The following LRRC8D variants were observed in gnomAD, a reference collection of about 807,000 sequenced individuals.
The protein encoded by LRRC8D is leucine rich repeat containing 8 VRAC subunit D.
A neutral mutation model predicts 55.8 loss-of-function variants in LRRC8D; 20 were observed. The ratio of observed to expected loss-of-function variants is 0.36; its 90% CI spans 0.25 to 0.52. The LOEUF (loss-of-function observed/expected upper bound fraction) is 0.52, where lower values mean the gene tolerates loss of function less well. Ranked by LOEUF, LRRC8D falls within the 20% of genes least tolerant of loss-of-function variation. The probability of loss-of-function intolerance (pLI) is 0.93; values close to 1 mark genes in which losing one functional copy is unlikely to be tolerated. For synonymous variants in LRRC8D, 352 were observed against 377.0 expected (o/e 0.93, Z 0.77); for missense variants, 651 against 1,030.8 (o/e 0.63, Z 5.05).
At chr1:89,915,869 A>AGCTT (rs1430220915) in intron 2 of LRRC8D, among the ~76,000 whole-genome samples, 4 of 152,246 alleles carry the variant, frequency 2.6e-5, no homozygotes, top group Non-Finnish European at 5.9e-5. Flanking sequence ...TAAATATCCA[A>AGCTT]GATTATCAAA....
intron 2 of LRRC8D, among the ~76,000 whole-genome samples, chr1:89,844,862 A>C (rs936392566): frequency 6.6e-6 from 1 of 152,160 alleles, no homozygotes; most frequent in Non-Finnish European, 1.5e-5. Context: ...GAGAATAATC[A>C]GTTTGATGGG....
intron 2 of LRRC8D, among the ~76,000 whole-genome samples, chr1:89,867,900 A>T (rs1017921493): frequency 1.3e-5 from 2 of 152,244 alleles, no homozygotes; most frequent in African/African-American, 4.8e-5. Flanking sequence ...TACTAATTGT[A>T]ACCCAAATTA....
chr1:89,928,439 TAATA>T (rs1663621687), intron 2 of LRRC8D, among the ~76,000 whole-genome samples: 1 of 152,050 alleles, frequency 6.6e-6, no homozygotes, highest in South Asian at 2.1e-4. Context: ...AGCTGGGACT[TAATA>T]AGGAAAAGTT....
At chr1:89,902,677 C>T (rs927412283) in intron 2 of LRRC8D, among the ~76,000 whole-genome samples, 1 of 151,962 alleles carries the variant, frequency 6.6e-6, no homozygotes, top group South Asian at 2.1e-4. Flanking sequence ...GCTGGGACTA[C>T]AGGGCCCGGC....
chr1:89,851,506 TC>T (rs1439744615), intron 2 of LRRC8D, among the ~76,000 whole-genome samples: 5 of 151,846 alleles, frequency 3.3e-5, no homozygotes, highest in African/African-American at 1.2e-4. Context: ...CCCTTGTCTT[TC>T]TTTTTCTTTT....
At chr1:89,828,858 T>A (rs1167186944) in intron 1 of LRRC8D, among the ~76,000 whole-genome samples, 2 of 152,132 alleles carry the variant, frequency 1.3e-5, no homozygotes, top group South Asian at 4.1e-4. Flanking sequence ...CATTGCTACA[T>A]CTTAGCATCG....
chr1:89,915,925 A>G (rs1194827269), intron 2 of LRRC8D, among the ~76,000 whole-genome samples: 3 of 152,260 alleles, frequency 2.0e-5, no homozygotes, highest in Admixed American at 6.5e-5. Context: ...TAAAATAAGT[A>G]ACAACATACT....
chr1:89,846,222 G>C (rs116506650), intron 2 of LRRC8D, among the ~76,000 whole-genome samples: 1 of 152,060 alleles, frequency 6.6e-6, no homozygotes, highest in Non-Finnish European at 1.5e-5. Flanking sequence ...TTTAAGAACA[G>C]AGTCTCCTTC....
chr1:89,909,407 A>T (rs1436203354), intron 2 of LRRC8D, among the ~76,000 whole-genome samples: 5 of 152,046 alleles, frequency 3.3e-5, no homozygotes, highest in Non-Finnish European at 7.4e-5. Context: ...GAGTTTGATT[A>T]TGTAGCCCCT....
At chr1:89,839,685 ACCT>A (rs1661087001) in intron 1 of LRRC8D, among the ~76,000 whole-genome samples, 1 of 152,006 alleles carries the variant, frequency 6.6e-6, no homozygotes, top group African/African-American at 2.4e-5. Flanking sequence ...AGTGCCAGAG[ACCT>A]CCTTCCCAGA....
chr1:89,855,946 A>G (rs1222149360), intron 2 of LRRC8D, among the ~76,000 whole-genome samples: 2 of 152,178 alleles, frequency 1.3e-5, no homozygotes, highest in Non-Finnish European at 2.9e-5. Flanking sequence ...CACAAAAATA[A>G]GTCTAATGCT....
At chr1:89,852,359 CA>C (rs1661441695) in intron 2 of LRRC8D, among the ~76,000 whole-genome samples, 1 of 152,160 alleles carries the variant, frequency 6.6e-6, no homozygotes, top group Non-Finnish European at 1.5e-5. Flanking sequence ...GCTGTCCTAC[CA>C]GCCTTCCCTC....
chr1:89,889,744 C>T (rs114213426), intron 2 of LRRC8D, among the ~76,000 whole-genome samples: 7 of 151,440 alleles, frequency 4.6e-5, no homozygotes, highest in Admixed American at 4.6e-4. Flanking sequence ...TTAGCCAGCT[C>T]TTTTGGTGAG....
In LRRC8D at chr1:89,933,487, A is replaced by T. The variant is rs1341454683; in HGVS notation, c.419A>T (p.Asn140Ile). The change falls in exon 3 of 3, where the codon AAC becomes ATC. Residue 140 changes from asparagine (N) to isoleucine (I), a missense_variant. Asn to Ile is a moderately radical substitution (Grantham distance 149). Coordinates refer to ENST00000337338, the MANE Select transcript of LRRC8D (RefSeq NM_001134479.2). The surrounding 1 kb of genome is among the most constrained non-coding windows in gnomAD (Gnocchi z 7.0). ...AAAGATCCAACAGGTCGAAAAACAAACTTGGATTTTCAGCAATATGTATTT... is the reference window on the plus strand; with the variant it reads ...AAAGATCCAACAGGTCGAAAAACAATCTTGGATTTTCAGCAATATGTATTT... ...EKKDPTGRKT[N>I]LDFQQYVFIN... 1 of 1,614,162 alleles carries T rather than the reference A, an allele frequency of 6.2e-7. No individual in the cohort carries two copies. Among genetic ancestry groups the T allele is most frequent in the Non-Finnish European group, 8.5e-7 (1 of 1,180,030 alleles).
rs34852331 is a variant in LRRC8D, at chr1:89,865,330, TTATATATATATA to T, written c.-3+21567_-3+21578del. 7.6e-3 allele frequency among the ~76,000 whole-genome samples: 1,061 copies of T among 139,286 alleles called. 15 individuals are homozygous for T. The highest frequency in any genetic ancestry group is 0.017 in the African/African-American group (678 of 38,886). The allele number at this position is 139,286 out of a possible 152,430, so 91.4% of individuals were successfully genotyped here. A position where few individuals can be genotyped will look rare whatever the true frequency, so the allele number is the denominator to read the frequency against. ...GTACTAAATATGTATAAACATGAAATTATATATATATATATATATATATATATATACTTTCTG... is the reference window on the plus strand; with the variant it reads ...GTACTAAATATGTATAAACATGAAATTATATATATATATATATACTTTCTG... On this transcript the variant is annotated intron_variant, in intron 2 of 2. Transcript: ENST00000337338.
intron 1 of LRRC8D, chr1:89,843,076 G>C (rs1661175467): frequency 6.6e-6 from 1 of 152,228 alleles, no homozygotes; most frequent in Non-Finnish European, 1.5e-5. Flanking sequence ...CACAAGACAA[G>C]TAATTTCCCA....
chr1:89,869,011 A>G lies in LRRC8D; in HGVS notation c.-3+25229A>G, dbSNP rs1421062295. ...AACCTCTGCCTTCTAGGTTCAAGTG[A>G]TTCTGCTGCATCAGCCTCCCAAGTA... On this transcript the variant is annotated intron_variant, in intron 2 of 2. Transcript: ENST00000337338. 2.0e-5 allele frequency among the ~76,000 whole-genome samples: 3 copies of G among 152,232 alleles called. No homozygotes were observed. In the South Asian group the frequency reaches 6.2e-4, roughly 32 times the overall value.
chr1:89,911,722 C>T lies in LRRC8D; in HGVS notation c.-2-21345C>T, dbSNP rs145569020. 1.1e-3 allele frequency among the ~76,000 whole-genome samples: 164 copies of T among 152,290 alleles called. 1 individual carries two copies. Among genetic ancestry groups the T allele is most frequent in the African/African-American group, 3.8e-3 (159 of 41,564 alleles). ...GAGCCAGACTTTTTCACCGAAAGTGCTCAGGCCAAAGTGTCAGGTGACTCT... is the reference window on the plus strand; with the variant it reads ...GAGCCAGACTTTTTCACCGAAAGTGTTCAGGCCAAAGTGTCAGGTGACTCT... On this transcript the variant is annotated intron_variant, in intron 2 of 2. Transcript: ENST00000337338. This position sits in a 1 kb window ranked among gnomAD's most constrained non-coding sequence, Gnocchi z 4.0.
intron 2 of LRRC8D, among the ~76,000 whole-genome samples, chr1:89,874,086 G>A (rs1662089779): frequency 6.6e-6 from 1 of 152,148 alleles, no homozygotes; most frequent in South Asian, 2.1e-4. Flanking sequence ...CCCAAATTTG[G>A]TTCACTTCAC....
Sources: allele counts gnomAD v4.1 joint callset (sites outside exome capture counted in the v4.1 genomes callset), GRCh38; gene constraint gnomAD v4.1.1; non-coding constraint Gnocchi (gnomAD v3.1); transcripts MANE v1.5; gene names NCBI Gene and HGNC (gene_info 2026-07-23, HGNC 2026-07-21).